Variants in ABCB11 observed in about 807,000 individuals in gnomAD.
ABCB11 encodes ATP binding cassette subfamily B member 11.
A neutral mutation model predicts 148.0 loss-of-function variants in ABCB11; 95 were observed. The ratio of observed to expected loss-of-function variants is 0.64; its 90% CI spans 0.54 to 0.76. The LOEUF is 0.76. Among genes scored for constraint, ABCB11 ranks in the 30% least tolerant of loss-of-function variants. The probability of loss-of-function intolerance (pLI) is 0.00; values close to 1 mark genes in which losing one functional copy is unlikely to be tolerated. For synonymous variants in ABCB11, 591 were observed against 555.4 expected, an observed-to-expected ratio of 1.06 and a Z score of -0.90; for missense variants, 1,523 against 1,617.8, an observed-to-expected ratio of 0.94 and a Z score of 1.01.
chr2:168,973,750 G>A lies in ABCB11; in HGVS notation c.1399C>T (p.Leu467Phe). ...CAGGGGTCATAGAATCGCTGAATGA[G>A]TTGCAGTGCTGTACTTTTTCCAGCT... ...SGAGKSTALQ[L>F]IQRFYDPCEG... The change falls in exon 13 of 28, where the codon CTC becomes TTC. Residue 467 changes from leucine (L) to phenylalanine (F), a missense_variant. Transcript: ENST00000650372. 1 of 1,612,228 alleles carries A rather than the reference G, an allele frequency of 6.2e-7. No homozygotes were observed. Among genetic ancestry groups the A allele is most frequent in the South Asian group, 1.1e-5 (1 of 91,058 alleles).
chr2:169,009,692 A>T (rs575373020), intron 5 of ABCB11, among the ~76,000 whole-genome samples: 1 of 152,242 alleles, frequency 6.6e-6, no homozygotes, highest in Admixed American at 6.5e-5. Context: ...GCAAACCTGC[A>T]CATTGTGCAC....
At chr2:168,977,131 T>C (rs148711529) in intron 11 of ABCB11, among the ~76,000 whole-genome samples, 3,632 of 148,554 alleles carry the variant, frequency 0.024, 71 homozygotes, top group East Asian at 0.05. Context: ...GTTGTATTAA[T>C]ATTATAAATG....
intron 7 of ABCB11, among the ~76,000 whole-genome samples, chr2:168,994,722 C>A (rs1243826974): frequency 6.6e-6 from 1 of 152,064 alleles, no homozygotes; most frequent in East Asian, 1.9e-4. Context: ...ATATTAAATT[C>A]ATATTCCTGA....
At position 168,923,371 on chromosome 2, in the gene ABCB11, T is replaced by G; in HGVS notation, c.*251A>C. On this transcript the variant is annotated 3_prime_UTR_variant, in exon 28 of 28. Coordinates refer to ENST00000650372, the MANE Select transcript of ABCB11 (RefSeq NM_003742.4). ...GTGGTGGCTGAGCTGCCACTTGACA[T>G]TGGGTTTTCCCTCATATGGACCCTA... is the stretch of plus-strand genomic sequence containing the variant. The G allele has an allele frequency of 7.2e-6, 4 of 553,144 alleles. No individual in the cohort carries two copies. Among genetic ancestry groups the G allele is most frequent in the East Asian group, 6.1e-5 (2 of 32,700 alleles). The allele number at this position is 553,144 out of a possible 1,614,324, so 34.3% of individuals were successfully genotyped here.
intron 8 of ABCB11, 121 bp from the exon 9 acceptor site, chr2:168,991,046 C>T (rs1573948796): frequency 1.7e-6 from 2 of 1,181,980 alleles, no homozygotes; most frequent in East Asian, 2.5e-5. Context: ...CTCACTGTAA[C>T]ATCATTGACA....
At chr2:169,025,488 G>C (rs997950568) in intron 1 of ABCB11, among the ~76,000 whole-genome samples, 1 of 152,110 alleles carries the variant, frequency 6.6e-6, no homozygotes, top group African/African-American at 2.4e-5. Flanking sequence ...CTTAAAGACC[G>C]AGTCCTCCCT....
intron 21 of ABCB11, among the ~76,000 whole-genome samples, chr2:168,943,814 CAGACCAT>C (rs1692179237): frequency 1.3e-5 from 2 of 152,092 alleles, no homozygotes; most frequent in South Asian, 4.1e-4. Flanking sequence ...AAGAGCCTCA[CAGACCAT>C]AGTTCAGTTT....
intron 21 of ABCB11, among the ~76,000 whole-genome samples, chr2:168,943,640 G>T (rs1231845702): frequency 2.6e-5 from 4 of 152,000 alleles, no homozygotes; most frequent in Non-Finnish European, 5.9e-5. Context: ...TCCAGAAAAA[G>T]CCTAGATGAA....
intron 6 of ABCB11, among the ~76,000 whole-genome samples, chr2:168,996,163 C>A (rs972656515): frequency 6.6e-6 from 1 of 151,886 alleles, no homozygotes; most frequent in Non-Finnish European, 1.5e-5. Flanking sequence ...GAGTTAAGTA[C>A]CTCCAAGCCC....
In ABCB11 at chr2:168,920,995, C is replaced by T. The variant is rs766034062; in HGVS notation, c.*2627G>A. 2.0e-5 allele frequency among the ~76,000 whole-genome samples: 3 copies of T among 152,160 alleles called. No homozygotes were observed. The highest frequency in any genetic ancestry group is 2.9e-5 in the Non-Finnish European group (2 of 68,028). ...AATTCCTTTCCAGGAAACTGGCCAC[C>T]TCCCAGCACAAGAGCCTATGCTCTT... On this transcript the variant is annotated 3_prime_UTR_variant, in exon 28 of 28. Transcript: ENST00000650372.
Position 168,986,299 on chromosome 2 carries a change from T to C in ABCB11, c.909-15A>G, listed in dbSNP as rs2287618. Reference sequence around the variant, plus strand: ...TTTTCTCATACCTGTGAAGACAAAATGCTTGAGTCAATTTCGGCAGAAACA... The same window carrying C: ...TTTTCTCATACCTGTGAAGACAAAACGCTTGAGTCAATTTCGGCAGAAACA... On this transcript the variant is annotated splice_polypyrimidine_tract_variant and intron_variant, in intron 9 of 27. Coordinates refer to ENST00000650372, the MANE Select transcript of ABCB11 (RefSeq NM_003742.4). 0.7 allele frequency: 1,126,859 copies of C among 1,607,150 alleles called. 397,947 individuals are homozygous for C. The highest frequency in any genetic ancestry group is 0.83 in the African/African-American group (62,156 of 74,662).
chr2:169,025,609 T>C (rs989461183), intron 1 of ABCB11, among the ~76,000 whole-genome samples: 3 of 152,214 alleles, frequency 2.0e-5, no homozygotes, highest in African/African-American at 7.2e-5. Flanking sequence ...TCCTTCTGTG[T>C]CCCCTTGTCA....
downstream of ABCB11, among the ~76,000 whole-genome samples, chr2:168,919,872 TTTG>T (rs2105868339): frequency 1.3e-5 from 2 of 150,344 alleles, no homozygotes; most frequent in Admixed American, 1.3e-4. Flanking sequence ...TTTTTGGTTT[TTTG>T]GTTTTGTTTT....
At chr2:168,961,624 CTAATCCTAAACT>C (rs1693081136) in intron 18 of ABCB11, among the ~76,000 whole-genome samples, 1 of 151,698 alleles carries the variant, frequency 6.6e-6, no homozygotes, top group South Asian at 2.1e-4. Flanking sequence ...GTGGGTTTCC[CTAATCCTAAACT>C]TAATGTTGTC....
At chr2:168,993,579 T>C in intron 8 of ABCB11, 132 bp downstream of exon 8, 1 of 803,636 alleles carries the variant, frequency 1.2e-6, no homozygotes, top group Non-Finnish European at 1.9e-6. Context: ...GGGAGTAATC[T>C]AACAAACTAC....
In ABCB11 at chr2:169,016,730, T is replaced by C. The variant is rs368016824; in HGVS notation, c.98+48A>G. Reference sequence around the variant, plus strand: ...CTTTGTGCCTTTGATATGAATATTATGGAGTTATTCTAGAAAAGATGCTGC... The same window carrying C: ...CTTTGTGCCTTTGATATGAATATTACGGAGTTATTCTAGAAAAGATGCTGC... On this transcript the variant is annotated intron_variant, in intron 3 of 27. Coordinates refer to ENST00000650372, the MANE Select transcript of ABCB11 (RefSeq NM_003742.4). The C allele has an allele frequency of 7.3e-6, 11 of 1,508,854 alleles. No homozygotes were observed. In the African/African-American group the frequency reaches 1.5e-4, roughly 21 times the overall value. 93.5% of individuals were successfully genotyped at this position (1,508,854 alleles called of 1,614,324 possible). A position where few individuals can be genotyped will look rare whatever the true frequency, so the allele number is the denominator to read the frequency against.
At chr2:168,919,611 T>TA (rs1377373691), downstream of ABCB11, among the ~76,000 whole-genome samples, 4 of 151,360 alleles carry the variant, frequency 2.6e-5, no homozygotes, top group South Asian at 6.2e-4. Context: ...CTATTTTTTT[T>TA]ATCTGTGACC....
At chr2:168,973,544 A>G (rs2105967442) in intron 13 of ABCB11, among the ~76,000 whole-genome samples, 171 bp downstream of exon 13, 1 of 152,174 alleles carries the variant, frequency 6.6e-6, no homozygotes, top group Admixed American at 6.6e-5. Context: ...TTATTCACTG[A>G]ACACTGTTAC....
intron 5 of ABCB11, among the ~76,000 whole-genome samples, chr2:169,007,195 C>A (rs1695044362): frequency 6.6e-6 from 1 of 152,034 alleles, no homozygotes; most frequent in South Asian, 2.1e-4. Context: ...CACAAATAAA[C>A]CCTCTTAATT....
Sources: gnomAD v4.1 joint callset for allele counts (sites outside exome capture counted in the v4.1 genomes callset) on GRCh38, gnomAD v4.1.1 for gene constraint, MANE v1.5 for transcripts, NCBI Gene and HGNC (gene_info 2026-07-23, HGNC 2026-07-21) for gene names.